Variants in SFTPC observed in about 807,000 individuals in gnomAD.
SFTPC encodes BRICHOS domain containing 6.
Under a neutral mutation model 19.9 loss-of-function variants are expected in SFTPC, and 12 were observed. The ratio of observed to expected loss-of-function variants is 0.60; its 90% CI spans 0.39 to 0.98. The LOEUF (loss-of-function observed/expected upper bound fraction) is 0.98, where lower values mean the gene tolerates loss of function less well. Among genes scored for constraint, SFTPC ranks in the 50% least tolerant of loss-of-function variants. SFTPC has a pLI of 0.00. For missense variants in SFTPC, 219 were observed against 252.2 expected (o/e 0.87, Z 0.89); for synonymous variants, 123 against 103.3 (o/e 1.19, Z -1.16).
Position 22,163,137 on chromosome 8 carries a change from C to G in SFTPC, c.259C>G (p.His87Asp). The change falls in exon 3 of 6, where the codon CAC (histidine) becomes GAC (aspartate). Residue 87 changes from histidine (H) to aspartate (D), a missense_variant. Physicochemically the swap from His to Asp is moderately conservative, Grantham distance 81. Transcript: ENST00000679463. Reference sequence around the variant, plus strand: ...CCAGCAACGCCTGGCCCTGAGTGAGCACCTGGTTACCACTGCCACCTTCTC... The same window carrying G: ...CCAGCAACGCCTGGCCCTGAGTGAGGACCTGGTTACCACTGCCACCTTCTC... ...EAQQRLALSE[H>D]LVTTATFSIG... The G allele has an allele frequency of 6.2e-7, 1 of 1,614,156 alleles. No individual in the cohort carries two copies. Among genetic ancestry groups the G allele is most frequent in the Non-Finnish European group, 8.5e-7 (1 of 1,180,008 alleles).
rs1286337974 is a variant in SFTPC, at chr8:22,164,345, GCT to G, written c.*99_*100del. The G allele has an allele frequency of 2.0e-6, 3 of 1,536,096 alleles. No homozygotes were observed. Among genetic ancestry groups the G allele is most frequent in the Non-Finnish European group, 2.6e-6 (3 of 1,146,878 alleles). On this transcript the variant is annotated 3_prime_UTR_variant, in exon 6 of 6. Coordinates refer to ENST00000679463, the MANE Select transcript of SFTPC (RefSeq NM_001317778.2). ...AGCTTTTGCAGACGGGCAAGAAGCT[GCT>G]TCTGCCCACACCGCAGGGACAAGCC...
At chr8:22,164,231 T>A (rs1827937256) in intron 5 of SFTPC, 35 bp from the exon 6 acceptor site, 1 of 1,535,826 alleles carries the variant, frequency 6.5e-7, no homozygotes, top group Non-Finnish European at 8.7e-7. Context: ...CCCCTGATTC[T>A]CTCTGTCCAT....
chr8:22,159,994 G>T, upstream of SFTPC: 3 of 450,018 alleles, frequency 6.7e-6, no homozygotes, highest in Non-Finnish European at 1.2e-5. Flanking sequence ...CGAGCTGAGA[G>T]GATGCTTCTG....
chr8:22,162,491 G>C, intron 1 of SFTPC, 83 bp from the exon 2 acceptor site: 1 of 1,497,866 alleles, frequency 6.7e-7, no homozygotes, highest in Non-Finnish European at 9.3e-7. Flanking sequence ...GGCAGCCGTG[G>C]GAGGGTGTTC....
rs1306348581 is a variant in SFTPC, at chr8:22,163,920, C to T, written c.455C>T (p.Thr152Met). The T allele has an allele frequency of 3.1e-6, 5 of 1,613,842 alleles. No individual in the cohort carries two copies. The highest frequency in any genetic ancestry group is 3.3e-4 in the Middle Eastern group (2 of 6,042). Residue 152 changes from threonine to methionine, a missense_variant, in exon 5 of 6, where the codon ACG (threonine) becomes ATG (methionine). By Grantham distance (81) the Thr-to-Met change is moderately conservative. Coordinates refer to ENST00000679463, the MANE Select transcript of SFTPC (RefSeq NM_001317778.2). ...HNFQAKPAVP[T>M]SKLGQAEGRD... ...CTGCAGGCCAAGCCCGCAGTGCCTA[C>T]GTCTAAGCTGGGCCAGGCAGAGGGG...
Position 22,164,458 on chromosome 8 carries a change from A to G in SFTPC, c.*211A>G. 6.8e-7 allele frequency: 1 copy of G among 1,463,006 alleles called. No homozygotes were observed. The highest frequency in any genetic ancestry group is 9.0e-7 in the Non-Finnish European group (1 of 1,114,770). The allele number at this position is 1,463,006 out of a possible 1,614,324, so 90.6% of individuals were successfully genotyped here. ...GGGAACTCCTGCCACAACAGAATAA[A>G]GCAGCCTGATTGAAAAGCAAAGGGT... is the stretch of plus-strand genomic sequence containing the variant. On this transcript the variant is annotated 3_prime_UTR_variant, in exon 6 of 6. Transcript: ENST00000679463.
chr8:22,159,454 T>A (rs1827628845), upstream of SFTPC: 5 of 321,820 alleles, frequency 1.6e-5, no homozygotes, highest in South Asian at 1.2e-4. Context: ...CTAAAGGTCC[T>A]TCTGTGTCTC....
chr8:22,162,973 T>TAA (rs1827817945), intron 2 of SFTPC, 107 bp from the exon 3 acceptor site: 1 of 1,523,326 alleles, frequency 6.6e-7, no homozygotes, highest in East Asian at 2.3e-5. Flanking sequence ...CCTGAACTCT[T>TAA]GGGAAAGAGG....
chr8:22,159,804 G>A, upstream of SFTPC: 1 of 1,289,466 alleles, frequency 7.8e-7, no homozygotes, highest in Non-Finnish European at 1.0e-6. Flanking sequence ...GATGCCTGCA[G>A]TGCTTGGCTC....
upstream of SFTPC, among the ~76,000 whole-genome samples, chr8:22,158,062 T>C (rs1040564246): frequency 2.6e-5 from 4 of 152,218 alleles, no homozygotes; most frequent in Non-Finnish European, 5.9e-5. Context: ...TGGCGGAGGA[T>C]GACTGTCCTA....
chr8:22,163,605 T>C (rs1827869953), intron 4 of SFTPC, 59 bp downstream of exon 4: 2 of 1,201,450 alleles, frequency 1.7e-6, no homozygotes, highest in African/African-American at 1.5e-5. Flanking sequence ...CTGGGAGGAG[T>C]GTCCGAATGG....
upstream of SFTPC, among the ~76,000 whole-genome samples, chr8:22,161,219 T>C (rs536390905): frequency 3.3e-5 from 5 of 152,064 alleles, no homozygotes; most frequent in Non-Finnish European, 7.4e-5. Context: ...ACCAGATATG[T>C]GGGAGGAGGC....
In SFTPC at chr8:22,163,218, C is replaced by A. The variant is rs767403089; in HGVS notation, c.324+16C>A. 1 of 1,614,160 alleles carries A rather than the reference C, an allele frequency of 6.2e-7. No individual in the cohort carries two copies. The highest frequency in any genetic ancestry group is 1.7e-5 in the Admixed American group (1 of 60,032). The stretch of plus-strand genomic sequence containing the variant: ...CTACCAGCAGGTGGGTATGCCCAGA[C>A]CTCCTGACCCTGGGACCAATGACAA... On this transcript the variant is annotated intron_variant, in intron 3 of 5. Coordinates refer to ENST00000679463, the MANE Select transcript of SFTPC (RefSeq NM_001317778.2).
upstream of SFTPC, chr8:22,158,642 C>T (rs1264736025): frequency 6.6e-6 from 1 of 152,256 alleles, no homozygotes; most frequent in Non-Finnish European, 1.5e-5. Flanking sequence ...CTGGATGTCA[C>T]ACCCATGATG....
intron 4 of SFTPC, 79 bp downstream of exon 4, chr8:22,163,625 G>C (rs893245366): frequency 1.0e-4 from 102 of 1,015,588 alleles, no homozygotes; most frequent in Non-Finnish European, 1.5e-4. Flanking sequence ...GTGGCTATTT[G>C]TCACCTGTAA....
upstream of SFTPC, among the ~76,000 whole-genome samples, chr8:22,159,250 G>A (rs1262343364): frequency 3.3e-5 from 5 of 152,202 alleles, no homozygotes; most frequent in East Asian, 9.6e-4. Context: ...TTGCACCACT[G>A]CACTGCAGCT....
At chr8:22,159,774 G>A (rs1343544777), upstream of SFTPC, 2 of 1,289,506 alleles carry the variant, frequency 1.6e-6, no homozygotes, top group South Asian at 1.2e-5. Flanking sequence ...GGCCCCCCGA[G>A]ATGCCCACAG....
chr8:22,162,903 A>G (rs1055205122), intron 2 of SFTPC, among the ~76,000 whole-genome samples, 171 bp downstream of exon 2: 2 of 152,184 alleles, frequency 1.3e-5, no homozygotes, highest in African/African-American at 2.4e-5. Flanking sequence ...CTTTTCCACA[A>G]GGCCCCTGCC....
intron 2 of SFTPC, 148 bp from the exon 3 acceptor site, chr8:22,162,932 C>A: frequency 1.5e-6 from 2 of 1,340,940 alleles, no homozygotes; most frequent in Non-Finnish European, 2.1e-6. Context: ...GGACAGCCAG[C>A]TCCCTCCAGC....
Sources: gnomAD v4.1 joint callset for allele counts (sites outside exome capture counted in the v4.1 genomes callset) on GRCh38, gnomAD v4.1.1 for gene constraint, MANE v1.5 for transcripts, NCBI Gene and HGNC (gene_info 2026-07-23, HGNC 2026-07-21) for gene names.